Variants in LSAMP observed in about 807,000 individuals in gnomAD.
The protein encoded by LSAMP is limbic system-associated membrane protein.
In LSAMP, 7 loss-of-function variants were observed where a neutral mutation model predicts 38.6. That is an observed-to-expected ratio of 0.18 (90% CI 0.10 to 0.34). LSAMP has a LOEUF of 0.34. LSAMP is among the 10% of genes least tolerant of loss of function. The probability of loss-of-function intolerance (pLI) is 1.00; values close to 1 mark genes in which losing one functional copy is unlikely to be tolerated. For missense variants in LSAMP, 313 were observed against 420.0 expected (o/e 0.75, Z 2.23); for synonymous variants, 154 against 166.8 (o/e 0.92, Z 0.59).
intron 3 of LSAMP, among the ~76,000 whole-genome samples, chr3:115,888,395 T>C (rs966446691): frequency 6.6e-5 from 10 of 151,934 alleles, no homozygotes; most frequent in Non-Finnish European, 1.2e-4. Flanking sequence ...CTAGATTTAC[T>C]TGGAATATTG....
At chr3:116,429,151 T>C (rs763303446) in intron 1 of LSAMP, among the ~76,000 whole-genome samples, 1 of 152,238 alleles carries the variant, frequency 6.6e-6, no homozygotes, top group East Asian at 1.9e-4. Context: ...GCTAAGGCAA[T>C]GATGAGGTAA....
chr3:116,348,370 C>T (rs1370470585), intron 1 of LSAMP, among the ~76,000 whole-genome samples: 1 of 152,020 alleles, frequency 6.6e-6, no homozygotes, highest in African/African-American at 2.4e-5. Flanking sequence ...AAAACAACAG[C>T]CCAAGTGTAT....
intron 1 of LSAMP, among the ~76,000 whole-genome samples, chr3:116,303,374 G>T (rs2047440131): frequency 6.6e-6 from 1 of 152,162 alleles, no homozygotes. Context: ...TAAAAGGACT[G>T]GCTAACTTGG....
intron 3 of LSAMP, among the ~76,000 whole-genome samples, chr3:115,874,129 A>G (rs1162194305): frequency 1.3e-5 from 2 of 152,152 alleles, no homozygotes; most frequent in Non-Finnish European, 2.9e-5. Flanking sequence ...ATTGCAAAAC[A>G]TCAGTTTTGT....
At chr3:116,089,186 G>A (rs1169774941) in intron 1 of LSAMP, among the ~76,000 whole-genome samples, 1 of 152,164 alleles carries the variant, frequency 6.6e-6, no homozygotes, top group African/African-American at 2.4e-5. Flanking sequence ...CAGCAAAATT[G>A]CCAGATGCAT....
chr3:116,377,477 T>C (rs904086368), intron 1 of LSAMP, among the ~76,000 whole-genome samples: 1 of 152,042 alleles, frequency 6.6e-6, no homozygotes, highest in Admixed American at 6.6e-5. Flanking sequence ...ATCCATTCCA[T>C]CATTGATGGG....
Position 116,210,201 on chromosome 3 carries a change from C to T in LSAMP, c.156-123645G>A, listed in dbSNP as rs144336267. ...TGATTTTGATGGTTAATATTGATAT[C>T]GAGTGTTAACTTGATTGGATGGAAG... On this transcript the variant is annotated intron_variant, in intron 1 of 6. Transcript: ENST00000490035. Among the ~76,000 whole-genome samples the T allele has an allele frequency of 9.5e-4, 145 of 152,148 alleles. 4 individuals carry two copies. The East Asian group carries it at 0.021, about 22-fold the overall frequency.
intron 3 of LSAMP, among the ~76,000 whole-genome samples, chr3:115,990,886 T>C (rs1358599085): frequency 1.3e-5 from 2 of 152,072 alleles, no homozygotes; most frequent in East Asian, 3.9e-4. Flanking sequence ...TTGTCTTGGA[T>C]GGCCCCAGGA....
At chr3:116,094,937 A>C (rs1392724946) in intron 1 of LSAMP, among the ~76,000 whole-genome samples, 2 of 152,242 alleles carry the variant, frequency 1.3e-5, no homozygotes, top group Non-Finnish European at 2.9e-5. Context: ...GAAACATTTC[A>C]TAAAACAAAG....
chr3:115,953,404 TACACAC>T (rs71616336), intron 3 of LSAMP, among the ~76,000 whole-genome samples: 1,515 of 143,638 alleles, frequency 0.011, 8 homozygotes, highest in African/African-American at 0.021. Flanking sequence ...GTAGTGTGCG[TACACAC>T]ACACACACAC....
intron 1 of LSAMP, among the ~76,000 whole-genome samples, chr3:116,421,991 C>T (rs756374428): frequency 2.0e-5 from 3 of 152,170 alleles, no homozygotes; most frequent in Non-Finnish European, 4.4e-5. Flanking sequence ...ACCCAAGCAA[C>T]ATTCCTCATA....
chr3:116,050,533 G>GAAAAA (rs35972347), intron 2 of LSAMP, among the ~76,000 whole-genome samples: 1 of 138,812 alleles, frequency 7.2e-6, no homozygotes, highest in Non-Finnish European at 1.5e-5. Context: ...AAATTAGGGG[G>GAAAAA]AAAAAAAAAA....
chr3:116,215,512 G>GA (rs1353730411), intron 1 of LSAMP, among the ~76,000 whole-genome samples: 1 of 152,050 alleles, frequency 6.6e-6, no homozygotes, highest in African/African-American at 2.4e-5. Flanking sequence ...GCCGCTTATT[G>GA]AAAATGCAAA....
At chr3:116,213,800 A>G (rs2046189627) in intron 1 of LSAMP, among the ~76,000 whole-genome samples, 1 of 152,242 alleles carries the variant, frequency 6.6e-6, no homozygotes, top group Non-Finnish European at 1.5e-5. Context: ...GAAATAAGCC[A>G]GGCAGATGGA....
At position 116,060,059 on chromosome 3, in the gene LSAMP, G is replaced by T. The variant is rs371485133; in HGVS notation, c.388+26265C>A. Among the ~76,000 whole-genome samples, 12 of 152,248 alleles carry T rather than the reference G, an allele frequency of 7.9e-5. No homozygotes were observed. In the East Asian group the frequency reaches 1.9e-3, roughly 25 times the overall value. On this transcript the variant is annotated intron_variant, in intron 2 of 6. Transcript: ENST00000490035. ...CTATGGGGGATTAGGAAAAGGCAAA[G>T]GCTTTCTTTGGGATTTCCTTTTCCT...
chr3:116,344,327 T>TA, intron 1 of LSAMP, among the ~76,000 whole-genome samples: 1 of 152,256 alleles, frequency 6.6e-6, no homozygotes, highest in Non-Finnish European at 1.5e-5. Flanking sequence ...AGAAATCCGT[T>TA]AATCACTTAA....
chr3:116,177,606 A>G (rs1710380320), intron 1 of LSAMP, among the ~76,000 whole-genome samples: 2 of 152,258 alleles, frequency 1.3e-5, no homozygotes, highest in African/African-American at 4.8e-5. Flanking sequence ...ATAATACAAT[A>G]AAAATAATTC....
intron 1 of LSAMP, among the ~76,000 whole-genome samples, chr3:116,373,387 G>C (rs933117179): frequency 4.0e-5 from 6 of 151,604 alleles, no homozygotes; most frequent in Non-Finnish European, 8.9e-5. Context: ...ATACTCATAA[G>C]GACGGAAAGT....
intron 6 of LSAMP, 55 bp from the exon 7 acceptor site, chr3:115,810,469 A>G (rs1281521103): frequency 1.6e-5 from 19 of 1,177,846 alleles, no homozygotes; most frequent in Admixed American, 1.3e-4. Flanking sequence ...GGCCCACTGT[A>G]TGTTATAGCT....
Sources: allele counts gnomAD v4.1 joint callset (sites outside exome capture counted in the v4.1 genomes callset), GRCh38; gene constraint gnomAD v4.1.1; transcripts MANE v1.5; gene names NCBI Gene and HGNC (gene_info 2026-07-23, HGNC 2026-07-21).